TRPM3: variants seen among roughly 807,000 people sequenced by gnomAD.
The protein encoded by TRPM3 is transient receptor potential cation channel subfamily M member 3, also known as long transient receptor potential channel 3.
Under a neutral mutation model 181.2 loss-of-function variants are expected in TRPM3, and 77 were observed. The observed-to-expected ratio is 0.42, with a 90% CI of 0.35 to 0.51. The LOEUF (loss-of-function observed/expected upper bound fraction) is 0.51. Among genes scored for constraint, TRPM3 ranks in the 20% least tolerant of loss-of-function variants. The probability of loss-of-function intolerance (pLI) is 0.01; values close to 1 mark genes in which losing one functional copy is unlikely to be tolerated. For missense variants in TRPM3, 1,759 were observed against 2,196.7 expected (o/e 0.80, Z 3.98); for synonymous variants, 745 against 796.4 (o/e 0.94, Z 1.09).
chr9:71,014,607 C>G (rs1274080249), intron 1 of TRPM3, among the ~76,000 whole-genome samples: 2 of 151,946 alleles, frequency 1.3e-5, no homozygotes, highest in East Asian at 3.9e-4. Flanking sequence ...AAGCATCCTT[C>G]TTTGTTTCAT....
chr9:71,139,603 A>C (rs2074978096), intron 1 of TRPM3, among the ~76,000 whole-genome samples: 1 of 152,186 alleles, frequency 6.6e-6, no homozygotes, highest in African/African-American at 2.4e-5. Context: ...GGTAGGAACT[A>C]GCCGATTTTG....
At chr9:70,962,497 T>C (rs2097146248) in intron 1 of TRPM3, among the ~76,000 whole-genome samples, 1 of 152,102 alleles carries the variant, frequency 6.6e-6, no homozygotes, top group South Asian at 2.1e-4. Flanking sequence ...ATGGGGATAT[T>C]ATAAATACCT....
rs148192709 is a variant in TRPM3, at chr9:70,536,471, C to T, written c.4642G>A (p.Gly1548Arg). 2.9e-3 allele frequency: 4,669 copies of T among 1,614,106 alleles called. 26 individuals carry two copies. The highest frequency in any genetic ancestry group is 2.6e-3 in the Non-Finnish European group (3,107 of 1,180,022). ...SPSRSYYANF[G>R]VPVKTAEYTS... is the part of the protein sequence containing the mutation. Reference sequence around the variant, plus strand: ...TATTCTGCTGTTTTTACAGGCACCCCAAAGTTGGCATAATAGCTCCTTGAG... The same window carrying T: ...TATTCTGCTGTTTTTACAGGCACCCTAAAGTTGGCATAATAGCTCCTTGAG... Residue 1548 changes from glycine (G) to arginine (R), a missense_variant, in exon 26 of 26, where the codon GGG becomes AGG. Physicochemically the swap from Gly to Arg is moderately radical, Grantham distance 125. This residue lies in a region of TRPM3 where 612 missense variants were observed against 590.0 expected (regional missense o/e 1.04). Transcript: ENST00000677713.
intron 1 of TRPM3, among the ~76,000 whole-genome samples, chr9:71,238,295 C>T (rs1588090586): frequency 6.6e-6 from 1 of 152,136 alleles, no homozygotes; most frequent in Non-Finnish European, 1.5e-5. Context: ...TCCTTCCCTA[C>T]ACATCATTCT....
Position 70,598,443 on chromosome 9 carries a change from C to T in TRPM3, c.3024G>A (p.Pro1008=), listed in dbSNP as rs34054081. Residue 1008 remains proline (P), a synonymous_variant, in exon 21 of 26, where the codon CCG becomes CCA. Coordinates refer to ENST00000677713, the MANE Select transcript of TRPM3 (RefSeq NM_001366145.2). ...CCATTTTTCCAATCATCATTACATA[C>T]GGGCCCAAATACTTGTTCACGCCGA... ...DIFGVNKYLG[P]YVMMIGKMMI... The T allele has an allele frequency of 1.0e-3, 1,661 of 1,614,130 alleles. 6 individuals are homozygous for T. The highest frequency in any genetic ancestry group is 5.8e-3 in the Middle Eastern group (35 of 6,062).
chr9:70,956,296 C>CTTTTT lies in TRPM3; in HGVS notation c.178-91790_178-91786dup, dbSNP rs537484746. On this transcript the variant is annotated intron_variant, in intron 1 of 25. Transcript: ENST00000677713. Reference sequence around the variant, plus strand: ...CTCATCTCTACCAGGAGAAATACACCTTTTTTTTTTTTTTTTTTTTTTGCC... The same window carrying CTTTTT: ...CTCATCTCTACCAGGAGAAATACACCTTTTTTTTTTTTTTTTTTTTTTTTTTTGCC... Among the ~76,000 whole-genome samples, 204 of 97,134 alleles carry CTTTTT rather than the reference C, an allele frequency of 2.1e-3. 2 individuals are homozygous for CTTTTT. The highest frequency in any genetic ancestry group is 6.5e-3 in the Middle Eastern group (1 of 154). 63.7% of individuals were successfully genotyped at this position (97,134 alleles called of 152,430 possible).
chr9:70,581,239 G>GT (rs151312978), intron 22 of TRPM3, among the ~76,000 whole-genome samples: 9,034 of 152,322 alleles, frequency 0.059, 304 homozygotes, highest in African/African-American at 0.079. Context: ...GTGTCACTAA[G>GT]TTGAAGACTC....
intron 1 of TRPM3, among the ~76,000 whole-genome samples, chr9:71,139,024 G>A (rs570657458): frequency 3.9e-5 from 6 of 152,228 alleles, no homozygotes; most frequent in African/African-American, 1.4e-4. Context: ...CTTGTCTGTA[G>A]ATTTTATGAC....
intron 1 of TRPM3, among the ~76,000 whole-genome samples, chr9:71,113,067 T>C (rs1489702305): frequency 1.3e-5 from 2 of 152,218 alleles, no homozygotes; most frequent in East Asian, 1.9e-4. Flanking sequence ...TTAGGTTTTA[T>C]TCTGCAAGAG....
Position 70,930,383 on chromosome 9 carries a change from T to G in TRPM3, c.178-65872A>C, listed in dbSNP as rs79528243. On this transcript the variant is annotated intron_variant, in intron 1 of 25. Transcript: ENST00000677713. Reference sequence around the variant, plus strand: ...TGGCAACTGTTAGTAGGATTCAGCATGTCATAAAAATTATTTATCTGGGTG... The same window carrying G: ...TGGCAACTGTTAGTAGGATTCAGCAGGTCATAAAAATTATTTATCTGGGTG... Among the ~76,000 whole-genome samples the G allele has an allele frequency of 2.2e-3, 340 of 152,350 alleles. 3 individuals carry two copies. The highest frequency in any genetic ancestry group is 7.6e-3 in the African/African-American group (314 of 41,580).
At chr9:71,286,273 T>C (rs1241575780) in intron 1 of TRPM3, among the ~76,000 whole-genome samples, 4 of 152,168 alleles carry the variant, frequency 2.6e-5, no homozygotes, top group South Asian at 2.1e-4. Context: ...TATTAGACAA[T>C]AGTAATTCAA....
chr9:71,361,520 G>C (rs1479476981), intron 1 of TRPM3, among the ~76,000 whole-genome samples: 1 of 152,190 alleles, frequency 6.6e-6, no homozygotes, highest in Admixed American at 6.5e-5. Context: ...TTGTTGATTA[G>C]AACGTAGTAA....
At chr9:70,833,129 T>C (rs2094060662) in intron 5 of TRPM3, among the ~76,000 whole-genome samples, 1 of 152,206 alleles carries the variant, frequency 6.6e-6, no homozygotes, top group South Asian at 2.1e-4. Flanking sequence ...TTTTGCTCTT[T>C]TCAAGTTAAC....
chr9:70,755,369 A>ATTC (rs1167720590), intron 8 of TRPM3, among the ~76,000 whole-genome samples: 1 of 151,098 alleles, frequency 6.6e-6, no homozygotes, highest in Non-Finnish European at 1.5e-5. Context: ...AATATTCAAC[A>ATTC]TTCTTTTTTT....
At chr9:71,146,338 C>T (rs1358146016) in intron 1 of TRPM3, among the ~76,000 whole-genome samples, 1 of 152,072 alleles carries the variant, frequency 6.6e-6, no homozygotes, top group Admixed American at 6.6e-5. Context: ...TCCAGAAGCT[C>T]CCCCTCTACC....
intron 1 of TRPM3, among the ~76,000 whole-genome samples, chr9:71,094,453 A>G (rs1193710518): frequency 6.6e-6 from 1 of 152,020 alleles, no homozygotes; most frequent in Non-Finnish European, 1.5e-5. Context: ...TCCTCATTTT[A>G]TTCTCTCGAC....
chr9:71,013,627 T>C (rs1426047764), intron 1 of TRPM3, among the ~76,000 whole-genome samples: 1 of 152,016 alleles, frequency 6.6e-6, no homozygotes, highest in Non-Finnish European at 1.5e-5. Flanking sequence ...TTAAGTCTTT[T>C]ATCTCTTAAG....
At chr9:71,311,568 A>T (rs2087935979) in intron 1 of TRPM3, among the ~76,000 whole-genome samples, 1 of 152,106 alleles carries the variant, frequency 6.6e-6, no homozygotes, top group South Asian at 2.1e-4. Context: ...CATGCCAAAA[A>T]ACTGAATCTA....
chr9:71,018,536 A>G (rs1035907789), intron 1 of TRPM3, among the ~76,000 whole-genome samples: 1 of 151,778 alleles, frequency 6.6e-6, no homozygotes, highest in Admixed American at 6.6e-5. Flanking sequence ...AATTATTTGT[A>G]TGCCAATAAC....
Sources: allele counts gnomAD v4.1 joint callset (sites outside exome capture counted in the v4.1 genomes callset), GRCh38; gene constraint gnomAD v4.1.1; regional missense constraint gnomAD v4.1.1; transcripts MANE v1.5; gene names NCBI Gene and HGNC (gene_info 2026-07-23, HGNC 2026-07-21).